Variants in OLIG2 observed in about 807,000 individuals in gnomAD.
The protein encoded by OLIG2 is oligodendrocyte transcription factor 2.
OLIG2 carries 12 observed loss-of-function variants against 13.4 expected under a neutral mutation model. That is an observed-to-expected ratio of 0.90 (90% CI 0.58 to 1.46). The LOEUF is 1.46. Ranked by LOEUF, OLIG2 falls within the 40% of genes most tolerant of loss-of-function variation. The pLI is 0.00. For synonymous variants in OLIG2, 250 were observed against 233.6 expected (o/e 1.07, Z -0.64); for missense variants, 415 against 487.9 (o/e 0.85, Z 1.41).
Position 33,027,504 on chromosome 21 carries a change from C to T in OLIG2, c.642C>T (p.His214=), listed in dbSNP as rs1177048895. 1.3e-6 allele frequency: 2 copies of T among 1,483,684 alleles called. No individual in the cohort carries two copies. Among genetic ancestry groups the T allele is most frequent in the African/African-American group, 1.5e-5 (1 of 68,052 alleles). The allele number at this position is 1,483,684 out of a possible 1,614,324, so 91.9% of individuals were successfully genotyped here. The change falls in exon 2 of 2, where the codon CAC becomes CAT. Residue 214 remains histidine, a synonymous_variant. Coordinates refer to ENST00000382357, the MANE Select transcript of OLIG2 (RefSeq NM_005806.4). ...CAGCAGCAGCGCACGCCGCACATCA[C>T]CCCGCGGTGCACCACCCCATCCTGC... is the stretch of plus-strand genomic sequence containing the variant. The part of the protein sequence containing the change: ...HPAAAAHAAH[H]PAVHHPILPP...
chr21:33,027,279 C>T lies in OLIG2; in HGVS notation c.417C>T (p.His139=). The change falls in exon 2 of 2, where the codon CAC becomes CAT. Residue 139 remains histidine (H), a synonymous_variant. Coordinates refer to ENST00000382357, the MANE Select transcript of OLIG2 (RefSeq NM_005806.4). ...DGLREVMPYA[H]GPSVRKLSKI... ...TCCGCGAGGTCATGCCGTACGCACA[C>T]GGCCCTTCGGTGCGCAAGCTTTCCA... The T allele has an allele frequency of 1.2e-6, 2 of 1,607,980 alleles. No homozygotes were observed. The highest frequency in any genetic ancestry group is 1.7e-6 in the Non-Finnish European group (2 of 1,177,594).
At position 33,026,743 on chromosome 21, in the gene OLIG2, TCTCTCTCTCC is replaced by T. The variant is rs1185727828; in HGVS notation, c.-62-48_-62-39del. 6.9e-6 allele frequency: 9 copies of T among 1,297,956 alleles called. No homozygotes were observed. Among genetic ancestry groups the T allele is most frequent in the Middle Eastern group, 2.1e-4 (1 of 4,788 alleles). 80.4% of individuals were successfully genotyped at this position (1,297,956 alleles called of 1,614,324 possible). On this transcript the variant is annotated intron_variant, in intron 1 of 1. Coordinates refer to ENST00000382357, the MANE Select transcript of OLIG2 (RefSeq NM_005806.4). The surrounding 1 kb of genome is among the most constrained non-coding windows in gnomAD (Gnocchi z 6.6). Reference sequence around the variant, plus strand: ...TTCTGTCTCTCACTGACTCACTCTCTCTCTCTCTCCCTCTCTCTCTCTCTCATTCTCTCTC... The same window carrying T: ...TTCTGTCTCTCACTGACTCACTCTCTCTCTCTCTCTCTCTCATTCTCTCTC...
In OLIG2 at chr21:33,027,554, C is replaced by T. The variant is rs745468570; in HGVS notation, c.692C>T (p.Ala231Val). ...ILPPAAAAAAAAAAAAAVSSA... is the reference protein window; with the variant it reads ...ILPPAAAAAAVAAAAAAVSSA... ...CCGCCCGCCGCCGCAGCGGCTGCTG[C>T]CGCCGCTGCAGCCGCGGCTGTGTCC... The change falls in exon 2 of 2, where the codon GCC (alanine) becomes GTC (valine). Residue 231 changes from alanine (A) to valine (V), a missense_variant. This residue lies in a region of OLIG2 where 243 missense variants were observed against 241.2 expected (regional missense o/e 1.01). Transcript: ENST00000382357. The T allele has an allele frequency of 1.1e-5, 16 of 1,474,974 alleles. No individual in the cohort carries two copies. The highest frequency in any genetic ancestry group is 1.0e-4 in the South Asian group (8 of 78,396). 91.4% of individuals were successfully genotyped at this position (1,474,974 alleles called of 1,614,324 possible). A position where few individuals can be genotyped will look rare whatever the true frequency, so the allele number is the denominator to read the frequency against.
In OLIG2 at chr21:33,027,882, G is replaced by A. The variant is rs892277549; in HGVS notation, c.*48G>A. 5 of 1,352,900 alleles carry A rather than the reference G, an allele frequency of 3.7e-6. No individual in the cohort carries two copies. The highest frequency in any genetic ancestry group is 8.0e-5 in the Admixed American group (2 of 24,928). 83.8% of individuals were successfully genotyped at this position (1,352,900 alleles called of 1,614,324 possible). On this transcript the variant is annotated 3_prime_UTR_variant, in exon 2 of 2. Coordinates refer to ENST00000382357, the MANE Select transcript of OLIG2 (RefSeq NM_005806.4). Reference sequence around the variant, plus strand: ...TGGCGACAGGGGAGCCAGGGGCCGCGGGGAAGCGAGGACTGGCCTGCGCTG... The same window carrying A: ...TGGCGACAGGGGAGCCAGGGGCCGCAGGGAAGCGAGGACTGGCCTGCGCTG...
rs919413669 is a variant in OLIG2, at chr21:33,027,785, C to A, written c.923C>A (p.Ser308Ter). The change falls in exon 2 of 2, where the codon TCG becomes TAG. Residue 308 changes from serine to a stop codon, truncating the protein, a stop_gained. Transcript: ENST00000382357. LOFTEE classifies it high-confidence loss of function. The stretch of plus-strand genomic sequence containing the variant: ...GTGCCGCCGCCGCACCACCACGTGT[C>A]GGCTATGGGCGCCGGCAGCCTGCCG... ...CQVPPPHHHV[S>*]AMGAGSLPRL... 1.4e-6 allele frequency: 2 copies of A among 1,425,182 alleles called. No individual in the cohort carries two copies. The highest frequency in any genetic ancestry group is 1.5e-5 in the African/African-American group (1 of 66,566). The allele number at this position is 1,425,182 out of a possible 1,614,324, so 88.3% of individuals were successfully genotyped here. A position where few individuals can be genotyped will look rare whatever the true frequency, so the allele number is the denominator to read the frequency against.
In OLIG2 at chr21:33,026,880, C is replaced by G. The variant is rs1455387052; in HGVS notation, c.18C>G (p.Ser6Arg). Reference sequence around the variant, plus strand: ...CTGGGGCCATGGACTCGGACGCCAGCCTGGTGTCCAGCCGCCCGTCGTCGC... The same window carrying G: ...CTGGGGCCATGGACTCGGACGCCAGGCTGGTGTCCAGCCGCCCGTCGTCGC... The part of the protein sequence containing the change: MDSDA[S>R]LVSSRPSSPE... The change falls in exon 2 of 2, where the codon AGC becomes AGG. Residue 6 changes from serine (S) to arginine (R), a missense_variant. Ser to Arg is a moderately radical substitution (Grantham distance 110). Transcript: ENST00000382357. This position sits in a 1 kb window ranked among gnomAD's most constrained non-coding sequence, Gnocchi z 6.6. 1 of 1,610,362 alleles carries G rather than the reference C, an allele frequency of 6.2e-7. No individual in the cohort carries two copies. Among genetic ancestry groups the G allele is most frequent in the East Asian group, 2.2e-5 (1 of 44,858 alleles).
rs28662494 is a variant in OLIG2 at position 33,028,075 on chromosome 21, T to C, written c.*241T>C. On this transcript the variant is annotated 3_prime_UTR_variant, in exon 2 of 2. Coordinates refer to ENST00000382357, the MANE Select transcript of OLIG2 (RefSeq NM_005806.4). ...GATCGAGCGCTGTCTGGCTTTAACC[T>C]GAGCTGGTCCAGTAGACATCGTTTT... 1.6e-5 allele frequency: 7 copies of C among 430,094 alleles called. No homozygotes were observed. Among genetic ancestry groups the C allele is most frequent in the Non-Finnish European group, 2.5e-5 (6 of 237,378 alleles). 26.6% of individuals were successfully genotyped at this position (430,094 alleles called of 1,614,324 possible).
chr21:33,026,709 G>A lies in OLIG2; in HGVS notation c.-62-92G>A. 2.1e-6 allele frequency: 2 copies of A among 973,976 alleles called. No homozygotes were observed. Among genetic ancestry groups the A allele is most frequent in the Non-Finnish European group, 3.0e-6 (2 of 675,078 alleles). 60.3% of individuals were successfully genotyped at this position (973,976 alleles called of 1,614,324 possible). ...CGCTGTGGTACTGCGGTGCAGGCGG[G>A]AGCAGCTTTTCTGTCTCTCACTGAC... On this transcript the variant is annotated intron_variant, in intron 1 of 1. Coordinates refer to ENST00000382357, the MANE Select transcript of OLIG2 (RefSeq NM_005806.4). This position sits in a 1 kb window ranked among gnomAD's most constrained non-coding sequence, Gnocchi z 6.6.
chr21:33,027,103 A>G lies in OLIG2; in HGVS notation c.241A>G (p.Ser81Gly), dbSNP rs1368568237. The G allele has an allele frequency of 1.2e-6, 2 of 1,611,916 alleles. No homozygotes were observed. Among genetic ancestry groups the G allele is most frequent in the Non-Finnish European group, 1.7e-6 (2 of 1,179,240 alleles). The change falls in exon 2 of 2, where the codon AGC becomes GGC. Residue 81 changes from serine to glycine, a missense_variant. Physicochemically the swap from Ser to Gly is moderately conservative, Grantham distance 56. Transcript: ENST00000382357. Reference sequence around the variant, plus strand: ...CAGTGGCTTCAAGTCATCCTCGTCCAGCACCTCGTCGTCTACGTCGTCGGC... The same window carrying G: ...CAGTGGCTTCAAGTCATCCTCGTCCGGCACCTCGTCGTCTACGTCGTCGGC... Reference protein sequence around the residue: ...GGSGFKSSSSSTSSSTSSAAA... With the variant: ...GGSGFKSSSSGTSSSTSSAAA...
Position 33,027,518 on chromosome 21 carries a change from A to G in OLIG2, c.656A>G (p.His219Arg). 1.4e-6 allele frequency: 2 copies of G among 1,475,592 alleles called. No homozygotes were observed. The highest frequency in any genetic ancestry group is 1.5e-5 in the African/African-American group (1 of 68,078). The allele number at this position is 1,475,592 out of a possible 1,614,324, so 91.4% of individuals were successfully genotyped here. A position where few individuals can be genotyped will look rare whatever the true frequency, so the allele number is the denominator to read the frequency against. Residue 219 changes from histidine (H) to arginine (R), a missense_variant, in exon 2 of 2, where the codon CAC becomes CGC. Physicochemically the swap from His to Arg is conservative, Grantham distance 29. Around this residue, in one of 3 missense-constraint regions of OLIG2, gnomAD observed 243 missense variants for 241.2 expected, o/e 1.01. Coordinates refer to ENST00000382357, the MANE Select transcript of OLIG2 (RefSeq NM_005806.4). ...AHAAHHPAVH[H>R]PILPPAAAAA... is the part of the protein sequence containing the mutation. The stretch of plus-strand genomic sequence containing the variant: ...GCCGCACATCACCCCGCGGTGCACC[A>G]CCCCATCCTGCCGCCCGCCGCCGCA...
At position 33,027,984 on chromosome 21, in the gene OLIG2, GCGAACCCAA is replaced by G. The variant is rs1472453807; in HGVS notation, c.*151_*159del. 1.1e-6 allele frequency: 1 copy of G among 890,108 alleles called. No individual in the cohort carries two copies. The highest frequency in any genetic ancestry group is 1.6e-6 in the Non-Finnish European group (1 of 638,826). 55.1% of individuals were successfully genotyped at this position (890,108 alleles called of 1,614,324 possible). On this transcript the variant is annotated 3_prime_UTR_variant, in exon 2 of 2. Transcript: ENST00000382357. Reference sequence around the variant, plus strand: ...GGGCATGGTGGGGATTCCAGCATCTGCGAACCCAAGCAATGGGGGCGCCCACAGAGCAGT... The same window carrying G: ...GGGCATGGTGGGGATTCCAGCATCTGGCAATGGGGGCGCCCACAGAGCAGT...
chr21:33,028,749 A>T lies in OLIG2; in HGVS notation c.*915A>T, dbSNP rs1358116077. 4.1e-6 allele frequency: 1 copy of T among 242,062 alleles called. No homozygotes were observed. Among genetic ancestry groups the T allele is most frequent in the Non-Finnish European group, 8.7e-6 (1 of 114,408 alleles). The allele number at this position is 242,062 out of a possible 1,614,324, so 15.0% of individuals were successfully genotyped here. On this transcript the variant is annotated 3_prime_UTR_variant, in exon 2 of 2. Coordinates refer to ENST00000382357, the MANE Select transcript of OLIG2 (RefSeq NM_005806.4). ...GGTACCTGAGAACGTAACAGAATTA[A>T]AAGGCAGTTGCTGTGGAAACAGTTT...
At position 33,028,226 on chromosome 21, in the gene OLIG2, G is replaced by A. The variant is rs1489311213; in HGVS notation, c.*392G>A. The A allele has an allele frequency of 7.9e-6, 2 of 252,364 alleles. No homozygotes were observed. Among genetic ancestry groups the A allele is most frequent in the African/African-American group, 4.4e-5 (2 of 45,714 alleles). 15.6% of individuals were successfully genotyped at this position (252,364 alleles called of 1,614,324 possible). A position where few individuals can be genotyped will look rare whatever the true frequency, so the allele number is the denominator to read the frequency against. ...GGCCTGACTTGCAGACTCGGCTTGG[G>A]CAGCACTTCGGGGGGGGAGGGGGTG... On this transcript the variant is annotated 3_prime_UTR_variant, in exon 2 of 2. Coordinates refer to ENST00000382357, the MANE Select transcript of OLIG2 (RefSeq NM_005806.4).
rs1270756013 is a variant in OLIG2 at position 33,026,973 on chromosome 21, C to A, written c.111C>A (p.Gly37=). 3.1e-6 allele frequency: 5 copies of A among 1,612,314 alleles called. No individual in the cohort carries two copies. Among genetic ancestry groups the A allele is most frequent in the Non-Finnish European group, 3.4e-6 (4 of 1,179,730 alleles). ...KGSSGSAFTG[G]TVSSSTPSDC... ...GCAGCGGCAGCGCCTTCACTGGGGGCACCGTGTCCTCGTCCACCCCGAGTG... is the reference window on the plus strand; with the variant it reads ...GCAGCGGCAGCGCCTTCACTGGGGGAACCGTGTCCTCGTCCACCCCGAGTG... Residue 37 remains glycine, a synonymous_variant, in exon 2 of 2, where the codon GGC becomes GGA. Coordinates refer to ENST00000382357, the MANE Select transcript of OLIG2 (RefSeq NM_005806.4). The surrounding 1 kb of genome is among the most constrained non-coding windows in gnomAD (Gnocchi z 6.6).
Position 33,027,227 on chromosome 21 carries a change from A to T in OLIG2, c.365A>T (p.His122Leu). Reference sequence around the variant, plus strand: ...AACAGCCGCGAGCGCAAGCGCATGCACGACCTCAACATCGCCATGGATGGC... The same window carrying T: ...AACAGCCGCGAGCGCAAGCGCATGCTCGACCTCAACATCGCCATGGATGGC... Reference protein sequence around the residue: ...KINSRERKRMHDLNIAMDGLR... With the variant: ...KINSRERKRMLDLNIAMDGLR... The change falls in exon 2 of 2, where the codon CAC becomes CTC. Residue 122 changes from histidine (H) to leucine (L), a missense_variant. Transcript: ENST00000382357. The T allele has an allele frequency of 6.2e-7, 1 of 1,610,818 alleles. No homozygotes were observed. The highest frequency in any genetic ancestry group is 8.5e-7 in the Non-Finnish European group (1 of 1,178,922).
Position 33,027,563 on chromosome 21 carries a change from C to T in OLIG2, c.701C>T (p.Ala234Val). Residue 234 changes from alanine (A) to valine (V), a missense_variant, in exon 2 of 2, where the codon GCA becomes GTA. Ala to Val is a moderately conservative substitution (Grantham distance 64). Coordinates refer to ENST00000382357, the MANE Select transcript of OLIG2 (RefSeq NM_005806.4). ...GCCGCAGCGGCTGCTGCCGCCGCTG[C>T]AGCCGCGGCTGTGTCCAGCGCCTCT... is the stretch of plus-strand genomic sequence containing the variant. ...PAAAAAAAAA[A>V]AAAVSSASLP... 1 of 1,476,198 alleles carries T rather than the reference C, an allele frequency of 6.8e-7. No individual in the cohort carries two copies. The highest frequency in any genetic ancestry group is 1.3e-5 in the South Asian group (1 of 78,490). 91.4% of individuals were successfully genotyped at this position (1,476,198 alleles called of 1,614,324 possible).
Position 33,028,009 on chromosome 21 carries a change from A to C in OLIG2, c.*175A>C. The C allele has an allele frequency of 1.5e-6, 1 of 648,544 alleles. No individual in the cohort carries two copies. The highest frequency in any genetic ancestry group is 2.4e-6 in the Non-Finnish European group (1 of 417,230). 40.2% of individuals were successfully genotyped at this position (648,544 alleles called of 1,614,324 possible). ...GCGAACCCAAGCAATGGGGGCGCCC[A>C]CAGAGCAGTGGGGAGTGAGGGGATG... On this transcript the variant is annotated 3_prime_UTR_variant, in exon 2 of 2. Coordinates refer to ENST00000382357, the MANE Select transcript of OLIG2 (RefSeq NM_005806.4).
At position 33,027,795 on chromosome 21, in the gene OLIG2, C is replaced by T; in HGVS notation, c.933C>T (p.Gly311=). ...PPPHHHVSAM[G]AGSLPRLTSD... ...CGCACCACCACGTGTCGGCTATGGG[C>T]GCCGGCAGCCTGCCGCGCCTCACCT... The change falls in exon 2 of 2, where the codon GGC becomes GGT. Residue 311 remains glycine, a synonymous_variant. Transcript: ENST00000382357. 2 of 1,427,260 alleles carry T rather than the reference C, an allele frequency of 1.4e-6. No individual in the cohort carries two copies. Among genetic ancestry groups the T allele is most frequent in the South Asian group, 1.4e-5 (1 of 70,928 alleles). 88.4% of individuals were successfully genotyped at this position (1,427,260 alleles called of 1,614,324 possible).
chr21:33,028,771 G>T lies in OLIG2; in HGVS notation c.*937G>T. On this transcript the variant is annotated 3_prime_UTR_variant, in exon 2 of 2. Coordinates refer to ENST00000382357, the MANE Select transcript of OLIG2 (RefSeq NM_005806.4). The stretch of plus-strand genomic sequence containing the variant: ...TTAAAAGGCAGTTGCTGTGGAAACA[G>T]TTTGGGTTATTTGGGGGTTCTGTTG... 1 of 243,316 alleles carries T rather than the reference G, an allele frequency of 4.1e-6. No homozygotes were observed. The allele number at this position is 243,316 out of a possible 1,614,324, so 15.1% of individuals were successfully genotyped here.
Sources: gnomAD v4.1 joint callset for allele counts on GRCh38, gnomAD v4.1.1 for gene constraint, gnomAD v4.1.1 regional missense constraint, Gnocchi (gnomAD v3.1) non-coding constraint, MANE v1.5 for transcripts, NCBI Gene and HGNC (gene_info 2026-07-23, HGNC 2026-07-21) for gene names.